LAMA4: variants seen among roughly 807,000 people sequenced by gnomAD.
LAMA4 encodes laminin subunit alpha 4, also known as laminin subunit alpha-4.
LAMA4 carries 127 observed loss-of-function variants against 207.1 expected under a neutral mutation model. The observed-to-expected ratio is 0.61, with a 90% CI of 0.53 to 0.71. The LOEUF is 0.71. Ranked by LOEUF, LAMA4 falls within the 30% of genes least tolerant of loss-of-function variation. LAMA4 has a pLI of 0.00. For missense variants in LAMA4, 2,093 were observed against 2,246.5 expected (o/e 0.93, Z 1.38); for synonymous variants, 761 against 816.0 (o/e 0.93, Z 1.15).
intron 5 of LAMA4, 60 bp downstream of exon 5, chr6:112,201,548 T>C (rs1783746253): frequency 2.3e-6 from 3 of 1,319,258 alleles, no homozygotes; most frequent in Non-Finnish European, 3.3e-6. Context: ...AGCTGTTGAG[T>C]GTGAGAAACA....
At chr6:112,167,176 C>T (rs1300335095) in intron 12 of LAMA4, among the ~76,000 whole-genome samples, 3 of 152,166 alleles carry the variant, frequency 2.0e-5, no homozygotes, top group Non-Finnish European at 2.9e-5. Flanking sequence ...TGTATGATAA[C>T]TGAAATTTGG....
chr6:112,144,609 G>A (rs935723889), intron 19 of LAMA4, among the ~76,000 whole-genome samples, 185 bp downstream of exon 19: 1 of 152,190 alleles, frequency 6.6e-6, no homozygotes, highest in Non-Finnish European at 1.5e-5. Context: ...CTTTCAGGTT[G>A]GGACCAGGAA....
intron 13 of LAMA4, among the ~76,000 whole-genome samples, chr6:112,161,657 A>G (rs190915515): frequency 1.1e-4 from 16 of 152,318 alleles, no homozygotes; most frequent in Admixed American, 9.8e-4. Context: ...TCAAACAAGC[A>G]AACAAGCTAA....
intron 14 of LAMA4, 51 bp downstream of exon 14, chr6:112,158,681 T>C (rs556852346): frequency 4.9e-5 from 73 of 1,500,610 alleles, no homozygotes; most frequent in East Asian, 1.6e-4. Context: ...TGAATAGTAA[T>C]ATTTTATTCA....
At chr6:112,163,552 G>A (rs1554339039) in intron 13 of LAMA4, among the ~76,000 whole-genome samples, 1 of 152,074 alleles carries the variant, frequency 6.6e-6, no homozygotes, top group Admixed American at 6.5e-5. Flanking sequence ...GAGAAAGCCC[G>A]GGAGAGACAG....
chr6:112,202,372 G>C (rs1554352825), intron 4 of LAMA4, among the ~76,000 whole-genome samples: 1 of 152,070 alleles, frequency 6.6e-6, no homozygotes, highest in Non-Finnish European at 1.5e-5. Flanking sequence ...ATTAAGGCAA[G>C]GGAAATGGGG....
intron 31 of LAMA4, among the ~76,000 whole-genome samples, chr6:112,123,515 G>A (rs1490940607): frequency 6.6e-6 from 1 of 152,058 alleles, no homozygotes; most frequent in Non-Finnish European, 1.5e-5. Flanking sequence ...TGGAACAGAT[G>A]GACAATAAAA....
At chr6:112,175,277 CAT>C (rs782218415) in intron 11 of LAMA4, 34 bp downstream of exon 11, 40 of 1,609,414 alleles carry the variant, frequency 2.5e-5, no homozygotes, top group Admixed American at 5.0e-5. Context: ...AGAGGGCAAA[CAT>C]GTGCTGGGTC....
intron 2 of LAMA4, among the ~76,000 whole-genome samples, chr6:112,239,398 G>A (rs1273876961): frequency 2.0e-5 from 3 of 151,032 alleles, no homozygotes; most frequent in African/African-American, 7.3e-5. Context: ...AAGCCACTCA[G>A]TCTGGATTAT....
At chr6:112,120,915 T>A (rs1012738194) in intron 32 of LAMA4, among the ~76,000 whole-genome samples, 2 of 151,734 alleles carry the variant, frequency 1.3e-5, no homozygotes, top group Non-Finnish European at 2.9e-5. Flanking sequence ...CTACAAAAAA[T>A]TTTTAAAAAT....
chr6:112,132,773 G>T lies in LAMA4; in HGVS notation c.3814C>A (p.Leu1272Ile). The change falls in exon 28 of 39, where the codon CTA becomes ATA. Residue 1272 changes from leucine to isoleucine, a missense_variant. Transcript: ENST00000230538. Reference sequence around the variant, plus strand: ...CTTACCCCTGAAGCATAATAGAATAGTAACCCATTTGGTTGTAATGTTCGG... The same window carrying T: ...CTTACCCCTGAAGCATAATAGAATATTAACCCATTTGGTTGTAATGTTCGG... ...NFRTLQPNGL[L>I]FYYASGSDVF... 6.2e-7 allele frequency: 1 copy of T among 1,612,922 alleles called. No individual in the cohort carries two copies. The highest frequency in any genetic ancestry group is 8.5e-7 in the Non-Finnish European group (1 of 1,179,222).
chr6:112,244,149 G>C (rs1478311667), intron 2 of LAMA4, among the ~76,000 whole-genome samples: 3 of 152,210 alleles, frequency 2.0e-5, no homozygotes, highest in African/African-American at 7.2e-5. Flanking sequence ...AGCAGGACTG[G>C]TTTCACAAGG....
intron 31 of LAMA4, among the ~76,000 whole-genome samples, chr6:112,126,372 ACT>A (rs1270223438): frequency 6.6e-6 from 1 of 152,146 alleles, no homozygotes; most frequent in Non-Finnish European, 1.5e-5. Flanking sequence ...TAACAGCAAG[ACT>A]CTATTAGAAT....
At chr6:112,223,599 C>G (rs925306815) in intron 2 of LAMA4, among the ~76,000 whole-genome samples, 54 of 152,298 alleles carry the variant, frequency 3.5e-4, no homozygotes, top group African/African-American at 1.3e-3. Context: ...ACAACAGCTT[C>G]TCTTCAGTGT....
rs782592130 is a variant in LAMA4, at chr6:112,207,086, T to C, written c.357A>G (p.Gly119=). The C allele has an allele frequency of 1.2e-6, 2 of 1,613,988 alleles. No individual in the cohort carries two copies. Among genetic ancestry groups the C allele is most frequent in the East Asian group, 4.5e-5 (2 of 44,862 alleles). ...HCEKCLDGYI[G]DSIRGAPQFC... The stretch of plus-strand genomic sequence containing the variant: ...ATTGGGGTGCTCCCCTGATGGAATC[T>C]CCGATATAACCATCCAGACACTTTT... The change falls in exon 4 of 39, where the codon GGA becomes GGG. Residue 119 remains glycine (G), a synonymous_variant. Coordinates refer to ENST00000230538, the MANE Select transcript of LAMA4 (RefSeq NM_001105206.3).
At position 112,254,251 on chromosome 6, in the gene LAMA4, T is replaced by C; in HGVS notation, c.-101A>G. The C allele has an allele frequency of 6.8e-7, 1 of 1,475,184 alleles. No individual in the cohort carries two copies. Among genetic ancestry groups the C allele is most frequent in the South Asian group, 1.2e-5 (1 of 84,262 alleles). 91.4% of individuals were successfully genotyped at this position (1,475,184 alleles called of 1,614,324 possible). A position where few individuals can be genotyped will look rare whatever the true frequency, so the allele number is the denominator to read the frequency against. ...GCGGTGCCTCGCTTATTTTCCCTCCTCTCCGTGTGCAGTATCCCGAGGTGG... is the reference window on the plus strand; with the variant it reads ...GCGGTGCCTCGCTTATTTTCCCTCCCCTCCGTGTGCAGTATCCCGAGGTGG... On this transcript the variant is annotated 5_prime_UTR_variant, in exon 2 of 39. Transcript: ENST00000230538.
At chr6:112,229,375 A>G (rs1331503757) in intron 2 of LAMA4, among the ~76,000 whole-genome samples, 6 of 152,134 alleles carry the variant, frequency 3.9e-5, no homozygotes, top group Non-Finnish European at 8.8e-5. Flanking sequence ...AGTCTCTGAA[A>G]ACAGCCAAAA....
chr6:112,124,082 G>A (rs1374952007), intron 31 of LAMA4, among the ~76,000 whole-genome samples: 3 of 152,150 alleles, frequency 2.0e-5, no homozygotes, highest in Admixed American at 1.3e-4. Flanking sequence ...TACACTTTAT[G>A]ATAGGAGATA....
At chr6:112,240,161 C>G (rs1407665416) in intron 2 of LAMA4, among the ~76,000 whole-genome samples, 1 of 152,144 alleles carries the variant, frequency 6.6e-6, no homozygotes, top group African/African-American at 2.4e-5. Context: ...TAAACTGTTT[C>G]TAAACCTTCG....
Sources: allele counts gnomAD v4.1 joint callset (sites outside exome capture counted in the v4.1 genomes callset), GRCh38; gene constraint gnomAD v4.1.1; transcripts MANE v1.5; gene names NCBI Gene and HGNC (gene_info 2026-07-23, HGNC 2026-07-21).